The following GPD2 variants were observed in gnomAD, a reference collection of about 807,000 sequenced individuals.
GPD2 encodes glycerol-3-phosphate dehydrogenase 2.
In GPD2, 54 loss-of-function variants were observed where a neutral mutation model predicts 82.4. The ratio of observed to expected loss-of-function variants is 0.66; its 90% CI spans 0.53 to 0.82. The LOEUF (loss-of-function observed/expected upper bound fraction) is 0.82. Ranked by LOEUF, GPD2 falls within the 40% of genes least tolerant of loss-of-function variation. The pLI, the probability that GPD2 is intolerant of heterozygous loss-of-function variation, is 0.00. For missense variants in GPD2, 748 were observed against 896.2 expected, an observed-to-expected ratio of 0.83 and a Z score of 2.11; for synonymous variants, 288 against 306.1, an observed-to-expected ratio of 0.94 and a Z score of 0.62.
At chr2:156,489,687 TCTTCCTTCCTTCCTTC>T (rs143845551) in intron 2 of GPD2, among the ~76,000 whole-genome samples, 31 of 109,176 alleles carry the variant, frequency 2.8e-4, no homozygotes, top group Middle Eastern at 4.3e-3. Flanking sequence ...TTTCCTTCCT[TCTTCCTTCCTTCCTTC>T]CTTCCTTCCT....
intron 1 of GPD2, among the ~76,000 whole-genome samples, chr2:156,438,151 A>G (rs1682017563): frequency 6.6e-6 from 1 of 152,194 alleles, no homozygotes; most frequent in Non-Finnish European, 1.5e-5. Flanking sequence ...TACACCCTCA[A>G]TAAATGTTTT....
At chr2:156,499,846 C>CA (rs1684523962) in intron 3 of GPD2, among the ~76,000 whole-genome samples, 1 of 149,566 alleles carries the variant, frequency 6.7e-6, no homozygotes, top group Non-Finnish European at 1.5e-5. Flanking sequence ...TGCTATTTGT[C>CA]AATCAAGTTC....
rs779428088 is a variant in GPD2, at chr2:156,569,323, G to A, written c.1301-40G>A. 18 of 1,359,930 alleles carry A rather than the reference G, an allele frequency of 1.3e-5. No individual in the cohort carries two copies. The Admixed American group carries it at 1.7e-4, about 13-fold the overall frequency. 84.2% of individuals were successfully genotyped at this position (1,359,930 alleles called of 1,614,324 possible). A position where few individuals can be genotyped will look rare whatever the true frequency, so the allele number is the denominator to read the frequency against. On this transcript the variant is annotated intron_variant, in intron 10 of 16. Transcript: ENST00000438166. ...AATGGTTAATTATAAGAAAAATAAGGGGTGGCAACCTGATGAATTGTCTAT... is the reference window on the plus strand; with the variant it reads ...AATGGTTAATTATAAGAAAAATAAGAGGTGGCAACCTGATGAATTGTCTAT...
chr2:156,522,272 T>C (rs1685438293), intron 6 of GPD2, among the ~76,000 whole-genome samples: 1 of 152,196 alleles, frequency 6.6e-6, no homozygotes, highest in Non-Finnish European at 1.5e-5. Context: ...TTTTTTAAAA[T>C]TAAAATCCAC....
chr2:156,544,547 G>A (rs1020480556), intron 6 of GPD2, among the ~76,000 whole-genome samples: 7 of 152,106 alleles, frequency 4.6e-5, no homozygotes, highest in South Asian at 2.1e-4. Flanking sequence ...TAACGGAAGC[G>A]TACGATTTCT....
chr2:156,447,171 A>G (rs1346160344), intron 1 of GPD2, among the ~76,000 whole-genome samples: 2 of 152,162 alleles, frequency 1.3e-5, no homozygotes, highest in African/African-American at 4.8e-5. Flanking sequence ...CCAATAACCA[A>G]CATTGCACCT....
chr2:156,583,426 T>TC lies in GPD2; in HGVS notation c.*508_*509insC, dbSNP rs1688102299. 1 of 169,886 alleles carries TC rather than the reference T, an allele frequency of 5.9e-6. No individual in the cohort carries two copies. The allele number at this position is 169,886 out of a possible 1,614,324, so 10.5% of individuals were successfully genotyped here. On this transcript the variant is annotated 3_prime_UTR_variant, in exon 17 of 17. Transcript: ENST00000438166. ...ATTGAAATGATAGTGTTTCTGGAGA[T>TC]TTCTCAGCCCCATCTTCCTCCAGCT...
intron 6 of GPD2, among the ~76,000 whole-genome samples, chr2:156,522,161 T>C (rs1341881241): frequency 1.3e-5 from 2 of 152,060 alleles, no homozygotes; most frequent in Non-Finnish European, 1.5e-5. Context: ...TTCCTGATGA[T>C]GAGATAGAGC....
At chr2:156,400,293 C>T in the GPD2 span, among the ~76,000 whole-genome samples, 2 of 152,236 alleles carry the variant, frequency 1.3e-5, no homozygotes, top group Non-Finnish European at 2.9e-5. Flanking sequence ...TCTCCATGAG[C>T]ACCCGAGGCG....
intron 3 of GPD2, among the ~76,000 whole-genome samples, chr2:156,497,082 G>C (rs573021670): frequency 6.6e-6 from 1 of 152,212 alleles, no homozygotes; most frequent in South Asian, 2.1e-4. Flanking sequence ...GTTTGTTTTG[G>C]CTGTGGGTAT....
intron 1 of GPD2, among the ~76,000 whole-genome samples, chr2:156,451,667 C>T (rs1225986664): frequency 1.4e-5 from 2 of 143,894 alleles, no homozygotes; most frequent in African/African-American, 5.1e-5. Context: ...CCTCACCTCC[C>T]GGACGGGGCA....
chr2:156,491,558 C>T (rs1684175078), intron 2 of GPD2, among the ~76,000 whole-genome samples: 2 of 152,282 alleles, frequency 1.3e-5, no homozygotes, highest in Middle Eastern at 3.4e-3. Context: ...TTTGTTTAGT[C>T]ATTCACCAGG....
chr2:156,451,916 G>C, intron 1 of GPD2, among the ~76,000 whole-genome samples: 1 of 151,080 alleles, frequency 6.6e-6, no homozygotes, highest in South Asian at 2.1e-4. Context: ...CTCCCAGACG[G>C]GGTCGCGGCC....
At chr2:156,419,124 A>T in the GPD2 span, among the ~76,000 whole-genome samples, 5 of 137,056 alleles carry the variant, frequency 3.6e-5, no homozygotes, top group African/African-American at 1.1e-4. Flanking sequence ...CAATGGTGCA[A>T]TCTTGGCTTA....
At chr2:156,480,321 A>G (rs1220394724) in intron 2 of GPD2, among the ~76,000 whole-genome samples, 1 of 152,152 alleles carries the variant, frequency 6.6e-6, no homozygotes, top group South Asian at 2.1e-4. Context: ...GAAGGTTGGG[A>G]TGGGAGTGGC....
intron 9 of GPD2, among the ~76,000 whole-genome samples, chr2:156,564,080 A>C (rs7578131): frequency 0.71 from 107,823 of 151,914 alleles, 38,400 homozygotes; most frequent in Middle Eastern, 0.82. Context: ...AAGACATACT[A>C]AATTTAATAG....
chr2:156,545,796 TA>T (rs1488331113), intron 6 of GPD2, among the ~76,000 whole-genome samples: 1 of 152,228 alleles, frequency 6.6e-6, no homozygotes, highest in Non-Finnish European at 1.5e-5. Flanking sequence ...TTTTTTGAGC[TA>T]TTTTGCATGT....
intron 6 of GPD2, among the ~76,000 whole-genome samples, chr2:156,545,951 T>G (rs1350402694): frequency 6.6e-6 from 1 of 152,228 alleles, no homozygotes. Flanking sequence ...CTTATTCTGC[T>G]CTGTGCAAGG....
intron 9 of GPD2, among the ~76,000 whole-genome samples, chr2:156,565,695 G>T (rs1372302730): frequency 6.6e-6 from 1 of 152,076 alleles, no homozygotes; most frequent in Non-Finnish European, 1.5e-5. Flanking sequence ...TAGCCTTTAA[G>T]AATCTATAGT....
Sources: gnomAD v4.1 joint callset for allele counts (sites outside exome capture counted in the v4.1 genomes callset) on GRCh38, gnomAD v4.1.1 for gene constraint, MANE v1.5 for transcripts, NCBI Gene and HGNC (gene_info 2026-07-23, HGNC 2026-07-21) for gene names.